Variants in RNF216 observed in about 807,000 individuals in gnomAD.
The protein encoded by RNF216 is E3 ubiquitin-protein ligase RNF216.
RNF216 carries 72 observed loss-of-function variants against 110.8 expected under a neutral mutation model. The ratio of observed to expected loss-of-function variants is 0.65; its 90% confidence interval spans 0.54 to 0.79. RNF216 has a LOEUF of 0.79. Among genes scored for constraint, RNF216 ranks in the 30% least tolerant of loss-of-function variants. RNF216 has a pLI of 0.00. For synonymous variants in RNF216, 495 were observed against 407.5 expected (o/e 1.21, Z -2.59); for missense variants, 1,342 against 1,141.2 (o/e 1.18, Z -2.54).
At chr7:5,669,910 T>C (rs6463501) in intron 13 of RNF216, among the ~76,000 whole-genome samples, 3,037 of 151,394 alleles carry the variant, frequency 0.02, 96 homozygotes, top group African/African-American at 0.068. Context: ...AGTGAGATTG[T>C]GGATGGTGCG....
In RNF216 at chr7:5,621,881, C is replaced by T. The variant is rs1322004302; in HGVS notation, c.*979G>A. 3 of 152,354 alleles carry T rather than the reference C, an allele frequency of 2.0e-5. No homozygotes were observed. The highest frequency in any genetic ancestry group is 2.9e-5 in the Non-Finnish European group (2 of 68,160). 9.4% of individuals were successfully genotyped at this position (152,354 alleles called of 1,614,324 possible). A position where few individuals can be genotyped will look rare whatever the true frequency, so the allele number is the denominator to read the frequency against. ...ACTCCATGAGAAGGGAAGTGACCTT[C>T]ACATGGGGGATACTGGACAGCACCC... On this transcript the variant is annotated 3_prime_UTR_variant, in exon 17 of 17. Coordinates refer to ENST00000389902, the MANE Select transcript of RNF216 (RefSeq NM_207111.4).
chr7:5,755,293 A>G (rs1427227728), intron 2 of RNF216, among the ~76,000 whole-genome samples: 2 of 152,156 alleles, frequency 1.3e-5, no homozygotes, highest in African/African-American at 2.4e-5. Context: ...AATAAAGTCC[A>G]GTGTTTGACA....
At chr7:5,775,867 T>C (rs543096624) in intron 1 of RNF216, among the ~76,000 whole-genome samples, 2 of 148,432 alleles carry the variant, frequency 1.3e-5, no homozygotes, top group African/African-American at 5.0e-5. Context: ...AGATTCCATC[T>C]CAAAAAAAAA....
chr7:5,737,398 G>T (rs980801762), intron 5 of RNF216, among the ~76,000 whole-genome samples: 92 of 152,120 alleles, frequency 6.0e-4, no homozygotes, highest in Non-Finnish European at 9.3e-4. Flanking sequence ...AGACCCCAGG[G>T]TCCTCTGCCT....
Position 5,735,961 on chromosome 7 carries a change from C to T in RNF216, c.1121+3315G>A, listed in dbSNP as rs548035655. ...CACAAAAATTAGCCAGACATGATGG[C>T]GCATGCCTGTAATCCCAGCTACTTG... On this transcript the variant is annotated intron_variant, in intron 5 of 16. Transcript: ENST00000389902. Among the ~76,000 whole-genome samples, 18 of 152,240 alleles carry T rather than the reference C, an allele frequency of 1.2e-4. No homozygotes were observed. The East Asian group carries it at 1.4e-3, about 11-fold the overall frequency.
chr7:5,704,965 T>C (rs1047885814), intron 13 of RNF216, among the ~76,000 whole-genome samples: 1 of 152,140 alleles, frequency 6.6e-6, no homozygotes, highest in East Asian at 1.9e-4. Context: ...TTCTCTCCAC[T>C]GCAAAACGTT....
chr7:5,726,988 TG>T (rs1472962349), intron 7 of RNF216, among the ~76,000 whole-genome samples: 1 of 151,680 alleles, frequency 6.6e-6, no homozygotes, highest in African/African-American at 2.4e-5. Context: ...GAAGGAAGAG[TG>T]GGAGCCTTTC....
Position 5,622,489 on chromosome 7 carries a change from G to A in RNF216, c.*371C>T, listed in dbSNP as rs748350948. The stretch of plus-strand genomic sequence containing the variant: ...CAACCGTGGGCCCCTCCAGGGAGAT[G>A]CTCTCGGCTGCCTTGCTACCCAGGG... On this transcript the variant is annotated 3_prime_UTR_variant, in exon 17 of 17. Transcript: ENST00000389902. 5.2e-5 allele frequency: 10 copies of A among 193,554 alleles called. No homozygotes were observed. Among genetic ancestry groups the A allele is most frequent in the Non-Finnish European group, 7.3e-5 (7 of 95,404 alleles). The allele number at this position is 193,554 out of a possible 1,614,324, so 12.0% of individuals were successfully genotyped here.
chr7:5,739,456 G>C (rs1794625328), intron 4 of RNF216, 104 bp from the exon 5 acceptor site: 1 of 1,131,844 alleles, frequency 8.8e-7, no homozygotes, highest in African/African-American at 1.5e-5. Flanking sequence ...CTAAAGACTA[G>C]AAAAGGGCTG....
Position 5,711,811 on chromosome 7 carries a change from A to G in RNF216, c.2011T>C (p.Leu671=). ...CTGAACCTCTTCACATCACTGTCCA[A>G]CAGAGCCGGAAAGCTACAGGACGGG... The part of the protein sequence containing the change: ...RCPSCSFPAL[L]DSDVKRFSCP... Residue 671 remains leucine (L), a synonymous_variant, in exon 13 of 17, where the codon TTG becomes CTG. Transcript: ENST00000389902. The G allele has an allele frequency of 1.2e-6, 2 of 1,614,018 alleles. No individual in the cohort carries two copies. Among genetic ancestry groups the G allele is most frequent in the Non-Finnish European group, 1.7e-6 (2 of 1,179,966 alleles).
At chr7:5,651,381 C>T (rs1231316588) in intron 14 of RNF216, among the ~76,000 whole-genome samples, 1 of 152,020 alleles carries the variant, frequency 6.6e-6, no homozygotes, top group Non-Finnish European at 1.5e-5. Flanking sequence ...TGCGTGCCCA[C>T]CACTCCTGGA....
chr7:5,676,307 A>G (rs925774446), intron 13 of RNF216, among the ~76,000 whole-genome samples: 1 of 152,140 alleles, frequency 6.6e-6, no homozygotes, highest in Non-Finnish European at 1.5e-5. Flanking sequence ...GCCAGCCTCA[A>G]GTTCTTTCCA....
chr7:5,740,708 G>A (rs953534033), intron 4 of RNF216, among the ~76,000 whole-genome samples: 4 of 152,032 alleles, frequency 2.6e-5, no homozygotes, highest in Admixed American at 6.6e-5. Flanking sequence ...AAAAAAACAA[G>A]GGACTGCAGG....
chr7:5,687,408 A>G (rs1299968609), intron 13 of RNF216, among the ~76,000 whole-genome samples: 6 of 151,436 alleles, frequency 4.0e-5, no homozygotes, highest in African/African-American at 9.7e-5. Context: ...AAAAAAAAAA[A>G]AAAAAAGAAA....
rs944154238 is a variant in RNF216 at position 5,696,779 on chromosome 7, C to A, written c.2061+14982G>T. On this transcript the variant is annotated intron_variant, in intron 13 of 16. Transcript: ENST00000389902. The surrounding 1 kb of genome is among the most constrained non-coding windows in gnomAD (Gnocchi z 5.4). ...GCAAATACCTGCAACATTGTACGAACGGGCTCTGGGAGGGCTGTAGGAGGA... is the reference window on the plus strand; with the variant it reads ...GCAAATACCTGCAACATTGTACGAAAGGGCTCTGGGAGGGCTGTAGGAGGA... Among the ~76,000 whole-genome samples the A allele has an allele frequency of 2.0e-5, 3 of 152,160 alleles. No homozygotes were observed. The highest frequency in any genetic ancestry group is 4.8e-5 in the African/African-American group (2 of 41,434).
intron 4 of RNF216, among the ~76,000 whole-genome samples, chr7:5,739,860 A>G (rs1794654159): frequency 6.6e-6 from 1 of 151,852 alleles, no homozygotes; most frequent in Non-Finnish European, 1.5e-5. Context: ...AAAATTAGCC[A>G]GACGTGGTGG....
At chr7:5,660,558 G>A (rs969383909) in intron 13 of RNF216, among the ~76,000 whole-genome samples, 1 of 151,872 alleles carries the variant, frequency 6.6e-6, no homozygotes, top group African/African-American at 2.4e-5. Flanking sequence ...CCAAAGTGGT[G>A]GGATTACAGG....
At chr7:5,623,997 C>T in intron 16 of RNF216, 59 bp downstream of exon 16, 1 of 1,467,574 alleles carries the variant, frequency 6.8e-7, no homozygotes, top group Non-Finnish European at 9.5e-7. Flanking sequence ...GGGAGGCCAG[C>T]AGAAGCCTGC....
rs569970170 is a variant in RNF216 at position 5,684,396 on chromosome 7, T to C, written c.2061+27365A>G. The stretch of plus-strand genomic sequence containing the variant: ...TCCTGGGATTACAGGTGCGAGCCAC[T>C]GCGCCTGGCCCACAAGCTGGGCCTT... On this transcript the variant is annotated intron_variant, in intron 13 of 16. Transcript: ENST00000389902. Among the ~76,000 whole-genome samples the C allele has an allele frequency of 9.2e-5, 14 of 151,498 alleles. No homozygotes were observed. In the South Asian group the frequency reaches 2.3e-3, roughly 25 times the overall value.
Sources: gnomAD v4.1 joint callset for allele counts (sites outside exome capture counted in the v4.1 genomes callset) on GRCh38, gnomAD v4.1.1 for gene constraint, Gnocchi (gnomAD v3.1) non-coding constraint, MANE v1.5 for transcripts, NCBI Gene and HGNC (gene_info 2026-07-23, HGNC 2026-07-21) for gene names.